THSD7B: variants seen among roughly 807,000 people sequenced by gnomAD.
THSD7B encodes the protein thrombospondin type 1 domain containing 7B.
A neutral mutation model predicts 213.6 loss-of-function variants in THSD7B; 138 were observed. That is an observed-to-expected ratio of 0.65 (90% CI 0.56 to 0.74). The LOEUF is 0.74. THSD7B is among the 30% of genes least tolerant of loss of function. The pLI is 0.00. For synonymous variants in THSD7B, 742 were observed against 687.0 expected (o/e 1.08, Z -1.25); for missense variants, 1,931 against 1,991.5 (o/e 0.97, Z 0.58).
intron 16 of THSD7B, among the ~76,000 whole-genome samples, chr2:137,564,887 A>G (rs1267620293): frequency 3.9e-5 from 6 of 152,174 alleles, no homozygotes; most frequent in Non-Finnish European, 4.4e-5. Context: ...CACAAAAAAT[A>G]TCCATATGTC....
intron 17 of THSD7B, among the ~76,000 whole-genome samples, chr2:137,605,207 C>G (rs913202644): frequency 6.6e-6 from 1 of 152,110 alleles, no homozygotes; most frequent in African/African-American, 2.4e-5. Context: ...GCTGAGTAAA[C>G]AATTGTGGAA....
At chr2:136,817,216 G>T (rs1682489848) in intron 1 of THSD7B, among the ~76,000 whole-genome samples, 1 of 152,100 alleles carries the variant, frequency 6.6e-6, no homozygotes, top group African/African-American at 2.4e-5. Context: ...TTACAGTTTT[G>T]TTTGCTGTTA....
At chr2:137,483,910 G>C (rs1482260267) in intron 15 of THSD7B, among the ~76,000 whole-genome samples, 1 of 152,154 alleles carries the variant, frequency 6.6e-6, no homozygotes, top group Non-Finnish European at 1.5e-5. Flanking sequence ...CAGTTTTCAA[G>C]CTTGGATGGC....
At chr2:137,670,726 C>A (rs185466525) in intron 27 of THSD7B, among the ~76,000 whole-genome samples, 1 of 152,014 alleles carries the variant, frequency 6.6e-6, no homozygotes, top group Non-Finnish European at 1.5e-5. Context: ...TCGAGACCAT[C>A]CTATCTAACA....
At chr2:136,832,407 C>G (rs1682772916) in intron 1 of THSD7B, among the ~76,000 whole-genome samples, 1 of 152,116 alleles carries the variant, frequency 6.6e-6, no homozygotes, top group African/African-American at 2.4e-5. Flanking sequence ...GATGTCCCAG[C>G]TTATGCATTC....
intron 1 of THSD7B, among the ~76,000 whole-genome samples, chr2:136,796,668 C>T (rs1007896493): frequency 2.6e-5 from 4 of 151,822 alleles, no homozygotes; most frequent in African/African-American, 7.3e-5. Flanking sequence ...CTTTGTGCTT[C>T]TTATCAATTC....
At chr2:137,308,391 T>C (rs1390541562) in intron 12 of THSD7B, among the ~76,000 whole-genome samples, 1 of 152,126 alleles carries the variant, frequency 6.6e-6, no homozygotes, top group Non-Finnish European at 1.5e-5. Flanking sequence ...GAAGCATTTC[T>C]ATGCTTTGAA....
intron 7 of THSD7B, among the ~76,000 whole-genome samples, chr2:137,194,859 C>T (rs1042549742): frequency 2.6e-5 from 4 of 152,144 alleles, no homozygotes; most frequent in African/African-American, 9.7e-5. Flanking sequence ...CTCATATCAT[C>T]TGCATAAACA....
intron 3 of THSD7B, among the ~76,000 whole-genome samples, chr2:137,063,319 C>A (rs566720904): frequency 2.6e-5 from 4 of 151,890 alleles, no homozygotes; most frequent in Admixed American, 6.6e-5. Context: ...TTACTGTGGT[C>A]ATTATTTTTC....
chr2:137,476,473 C>A lies in THSD7B; in HGVS notation c.3138+25450C>A, dbSNP rs1688195107. ...TTGGTTTTATGTCTAAGTCTTTAAT[C>A]CATCTCTGATTGATTTTTATATATG... On this transcript the variant is annotated intron_variant, in intron 15 of 27. Coordinates refer to ENST00000409968, the MANE Select transcript of THSD7B (RefSeq NM_001316349.2). Among the ~76,000 whole-genome samples the A allele has an allele frequency of 2.0e-5, 3 of 152,192 alleles. No homozygotes were observed. In the South Asian group the frequency reaches 6.2e-4, roughly 32 times the overall value.
At chr2:137,538,120 A>C (rs1005207044) in intron 15 of THSD7B, among the ~76,000 whole-genome samples, 2 of 151,742 alleles carry the variant, frequency 1.3e-5, no homozygotes, top group Non-Finnish European at 3.0e-5. Context: ...AGCTGTGATT[A>C]AGATACTTCT....
intron 12 of THSD7B, among the ~76,000 whole-genome samples, chr2:137,303,333 A>G (rs1038651740): frequency 3.3e-5 from 5 of 152,160 alleles, no homozygotes; most frequent in African/African-American, 1.2e-4. Flanking sequence ...CTTCTAAAAT[A>G]TAGGTTCATT....
intron 14 of THSD7B, among the ~76,000 whole-genome samples, chr2:137,422,110 C>T (rs1021477083): frequency 1.6e-4 from 24 of 152,132 alleles, no homozygotes; most frequent in African/African-American, 4.6e-4. Flanking sequence ...TTGAAGCATT[C>T]GCAGAGTGTT....
chr2:137,344,941 T>C (rs1263771996), intron 12 of THSD7B, among the ~76,000 whole-genome samples: 1 of 151,602 alleles, frequency 6.6e-6, no homozygotes, highest in African/African-American at 2.4e-5. Flanking sequence ...GACAAGTTGG[T>C]GATACCTAAG....
intron 2 of THSD7B, among the ~76,000 whole-genome samples, chr2:136,901,319 C>G (rs1404864724): frequency 6.6e-6 from 1 of 152,180 alleles, no homozygotes; most frequent in East Asian, 1.9e-4. Context: ...AGACTATGGC[C>G]TGTGAAGGCC....
At chr2:136,962,778 G>C (rs7600459) in intron 2 of THSD7B, among the ~76,000 whole-genome samples, 11,028 of 152,184 alleles carry the variant, frequency 0.072, 630 homozygotes, top group African/African-American at 0.15. Context: ...ACATTTTTCT[G>C]TGAAATACAA....
chr2:136,871,136 G>T (rs1162344662), intron 1 of THSD7B, among the ~76,000 whole-genome samples: 1 of 152,158 alleles, frequency 6.6e-6, no homozygotes, highest in African/African-American at 2.4e-5. Context: ...GGGGAGATCC[G>T]GTCTGTGGGC....
At chr2:137,409,189 C>G (rs904576480) in intron 13 of THSD7B, among the ~76,000 whole-genome samples, 1 of 152,132 alleles carries the variant, frequency 6.6e-6, no homozygotes, top group Non-Finnish European at 1.5e-5. Flanking sequence ...AAAGCTGGCT[C>G]TGACTGCAAT....
chr2:136,900,793 A>G (rs1186311850), intron 2 of THSD7B, among the ~76,000 whole-genome samples: 2 of 152,238 alleles, frequency 1.3e-5, no homozygotes, highest in Non-Finnish European at 2.9e-5. Context: ...TGTAAAAATC[A>G]TAGGCTCAAA....
Sources: allele counts gnomAD v4.1 joint callset (sites outside exome capture counted in the v4.1 genomes callset), GRCh38; gene constraint gnomAD v4.1.1; transcripts MANE v1.5; gene names NCBI Gene and HGNC (gene_info 2026-07-23, HGNC 2026-07-21).